Variants in GALNTL6 observed in about 807,000 individuals in gnomAD.
GALNTL6 encodes polypeptide N-acetylgalactosaminyltransferase like 6, also known as polypeptide N-acetylgalactosaminyltransferase-like 6.
Under a neutral mutation model 73.7 loss-of-function variants are expected in GALNTL6, and 46 were observed. The ratio of observed to expected loss-of-function variants is 0.62; its 90% confidence interval spans 0.49 to 0.80. The LOEUF is 0.80. GALNTL6 is among the 30% of genes least tolerant of loss of function. The pLI is 0.00. For missense variants in GALNTL6, 604 were observed against 755.0 expected (o/e 0.80, Z 2.34); for synonymous variants, 259 against 263.7 (o/e 0.98, Z 0.17).
intron 10 of GALNTL6, among the ~76,000 whole-genome samples, chr4:172,999,488 T>C (rs1247445264): frequency 2.0e-5 from 3 of 152,092 alleles, no homozygotes; most frequent in Non-Finnish European, 4.4e-5. Flanking sequence ...ATCTTGAGAA[T>C]CACAAACTAA....
intron 2 of GALNTL6, among the ~76,000 whole-genome samples, chr4:171,933,666 C>A (rs6826263): frequency 6.6e-6 from 1 of 151,938 alleles, no homozygotes; most frequent in Non-Finnish European, 1.5e-5. Context: ...AGTTAACAAA[C>A]GATTATGATT....
At chr4:172,161,432 A>G (rs776776331) in intron 2 of GALNTL6, among the ~76,000 whole-genome samples, 21 of 151,926 alleles carry the variant, frequency 1.4e-4, no homozygotes, top group Middle Eastern at 3.2e-3. Context: ...GCTTTGTTTT[A>G]GTGGAGGAAA....
At chr4:171,981,124 AT>A (rs1739885894) in intron 2 of GALNTL6, among the ~76,000 whole-genome samples, 1 of 152,232 alleles carries the variant, frequency 6.6e-6, no homozygotes, top group African/African-American at 2.4e-5. Context: ...ACCCAAGGTA[AT>A]CAGGGTACAA....
intron 2 of GALNTL6, among the ~76,000 whole-genome samples, chr4:171,961,660 G>A (rs1197986712): frequency 6.6e-6 from 1 of 152,148 alleles, no homozygotes; most frequent in African/African-American, 2.4e-5. Flanking sequence ...TTAGATTTCA[G>A]TTTCATCAGT....
chr4:172,789,536 A>G (rs1739876948), intron 5 of GALNTL6, among the ~76,000 whole-genome samples: 1 of 152,176 alleles, frequency 6.6e-6, no homozygotes, highest in Admixed American at 6.5e-5. Flanking sequence ...CCTGTTATAA[A>G]GGATTTTGCA....
intron 2 of GALNTL6, among the ~76,000 whole-genome samples, chr4:172,158,985 T>G (rs890313263): frequency 6.6e-6 from 1 of 152,208 alleles, no homozygotes; most frequent in Non-Finnish European, 1.5e-5. Context: ...CAAAAAAAGA[T>G]TCTTAAAACC....
intron 8 of GALNTL6, among the ~76,000 whole-genome samples, chr4:172,912,915 C>G (rs1322739058): frequency 6.6e-6 from 1 of 152,196 alleles, no homozygotes; most frequent in African/African-American, 2.4e-5. Flanking sequence ...CAGACTGCCT[C>G]CTCAAGTGGG....
chr4:171,900,898 C>G (rs536914486), intron 2 of GALNTL6, among the ~76,000 whole-genome samples: 721 of 2,022 alleles, frequency 0.36, 3 homozygotes, highest in African/African-American at 0.44. Context: ...GAATATCTTT[C>G]AGAAACATGG....
At chr4:172,245,918 T>G (rs1385843534) in intron 3 of GALNTL6, among the ~76,000 whole-genome samples, 1 of 152,126 alleles carries the variant, frequency 6.6e-6, no homozygotes, top group Admixed American at 6.6e-5. Context: ...TGAGCAGCTT[T>G]CATGCCAGAC....
At chr4:172,269,366 G>T (rs1738560695) in intron 3 of GALNTL6, among the ~76,000 whole-genome samples, 1 of 152,204 alleles carries the variant, frequency 6.6e-6, no homozygotes, top group African/African-American at 2.4e-5. Flanking sequence ...AGCACAGAAT[G>T]AGCTTGCCAG....
intron 4 of GALNTL6, among the ~76,000 whole-genome samples, chr4:172,329,551 C>A (rs1741055227): frequency 6.6e-6 from 1 of 152,032 alleles, no homozygotes; most frequent in Admixed American, 6.5e-5. Flanking sequence ...TGTTGCTTGC[C>A]TGAACCACTG....
chr4:171,888,671 G>T (rs1333625997), intron 2 of GALNTL6, among the ~76,000 whole-genome samples: 2 of 152,030 alleles, frequency 1.3e-5, no homozygotes, highest in Non-Finnish European at 2.9e-5. Flanking sequence ...AGAGAAAAAA[G>T]AATTTATGCA....
At chr4:172,449,118 T>C (rs1732124776) in intron 5 of GALNTL6, among the ~76,000 whole-genome samples, 1 of 152,142 alleles carries the variant, frequency 6.6e-6, no homozygotes, top group African/African-American at 2.4e-5. Context: ...TGGGCTTCTT[T>C]TTTACAATAG....
At chr4:172,582,521 A>G (rs926690363) in intron 5 of GALNTL6, among the ~76,000 whole-genome samples, 1 of 152,202 alleles carries the variant, frequency 6.6e-6, no homozygotes, top group African/African-American at 2.4e-5. Context: ...GGGAACCTGA[A>G]GATATTAAAG....
At chr4:171,970,596 T>A (rs550375722) in intron 2 of GALNTL6, among the ~76,000 whole-genome samples, 3 of 152,314 alleles carry the variant, frequency 2.0e-5, no homozygotes, top group East Asian at 3.9e-4. Context: ...TCATCCTTAA[T>A]CCTAGGGAAT....
intron 10 of GALNTL6, among the ~76,000 whole-genome samples, chr4:172,986,806 G>C (rs558602893): frequency 1.3e-5 from 2 of 152,288 alleles, no homozygotes; most frequent in South Asian, 4.1e-4. Flanking sequence ...GAGGAGGAAG[G>C]CTGTGGTAAT....
intron 5 of GALNTL6, among the ~76,000 whole-genome samples, chr4:172,735,721 G>A (rs1736420225): frequency 1.3e-5 from 2 of 152,266 alleles, no homozygotes; most frequent in Admixed American, 6.5e-5. Flanking sequence ...TGTTGTGAGA[G>A]GGACCCAGTG....
chr4:172,066,649 C>T (rs1181157153), intron 2 of GALNTL6, among the ~76,000 whole-genome samples: 2 of 151,604 alleles, frequency 1.3e-5, no homozygotes, highest in Non-Finnish European at 2.9e-5. Flanking sequence ...TCAAGATTTC[C>T]CTGTAGAATG....
intron 2 of GALNTL6, among the ~76,000 whole-genome samples, chr4:172,061,020 A>G (rs549720333): frequency 6.6e-6 from 1 of 152,306 alleles, no homozygotes; most frequent in East Asian, 1.9e-4. Context: ...GAAAAAAACA[A>G]CAATCTTTCT....
Sources: allele counts gnomAD v4.1 joint callset (sites outside exome capture counted in the v4.1 genomes callset), GRCh38; gene constraint gnomAD v4.1.1; transcripts MANE v1.5; gene names NCBI Gene and HGNC (gene_info 2026-07-23, HGNC 2026-07-21).